The following ICE2 variants were observed in gnomAD, a reference collection of about 807,000 sequenced individuals.
ICE2 encodes little elongation complex subunit 2.
A neutral mutation model predicts 105.4 loss-of-function variants in ICE2; 87 were observed. The ratio of observed to expected loss-of-function variants is 0.83; its 90% CI spans 0.69 to 0.99. The LOEUF (loss-of-function observed/expected upper bound fraction) is 0.99. ICE2 is among the 50% of genes least tolerant of loss of function. The pLI, the probability that ICE2 is intolerant of heterozygous loss-of-function variation, is 0.00. For missense variants in ICE2, 1,323 were observed against 1,146.7 expected (o/e 1.15, Z -2.22); for synonymous variants, 399 against 392.0 (o/e 1.02, Z -0.21).
rs988919418 is a variant in ICE2, at chr15:60,432,507, G to T, written c.2511-523C>A. 5.3e-5 allele frequency among the ~76,000 whole-genome samples: 8 copies of T among 151,522 alleles called. No homozygotes were observed. In the South Asian group the frequency reaches 8.4e-4, roughly 16 times the overall value. ...GTCGGGCCAATTTTTGCCATTTCATGATTTCCTTTCATTATCATAATGTAT... is the reference window on the plus strand; with the variant it reads ...GTCGGGCCAATTTTTGCCATTTCATTATTTCCTTTCATTATCATAATGTAT... On this transcript the variant is annotated intron_variant, in intron 13 of 15. Coordinates refer to ENST00000261520, the MANE Select transcript of ICE2 (RefSeq NM_024611.6).
rs201631516 is a variant in ICE2, at chr15:60,423,741, T to G, written c.2842A>C (p.Thr948Pro). 6.3e-7 allele frequency: 1 copy of G among 1,596,886 alleles called. No individual in the cohort carries two copies. The highest frequency in any genetic ancestry group is 2.2e-5 in the East Asian group (1 of 44,652). The change falls in exon 16 of 16, where the codon ACA becomes CCA. Residue 948 changes from threonine to proline, a missense_variant. Physicochemically the swap from Thr to Pro is conservative, Grantham distance 38. Coordinates refer to ENST00000261520, the MANE Select transcript of ICE2 (RefSeq NM_024611.6). ...QQKIGGTRMP[T>P]RSHRNPVSME... ...GAAACTGGATTCCTGTGGCTGCGTG[T>G]AGGCATTCTCGTTCCACCAATCTAA...
At chr15:60,453,405 A>G (rs1393214257) in intron 9 of ICE2, 198 bp downstream of exon 9, 1 of 1,367,506 alleles carries the variant, frequency 7.3e-7, no homozygotes, top group African/African-American at 1.5e-5. Flanking sequence ...ACTTCCTTTC[A>G]TGTATGAAAG....
At chr15:60,457,632 CTT>C (rs1258352759) in intron 5 of ICE2, among the ~76,000 whole-genome samples, 14 of 152,158 alleles carry the variant, frequency 9.2e-5, no homozygotes. Flanking sequence ...AAATCAGTAA[CTT>C]TACTCCAGTA....
rs2064861448 is a variant in ICE2 at position 60,479,089 on chromosome 15, A to C, written c.-179T>G. 1 of 448,592 alleles carries C rather than the reference A, an allele frequency of 2.2e-6. No homozygotes were observed. Among genetic ancestry groups the C allele is most frequent in the Admixed American group, 2.4e-5 (1 of 42,228 alleles). 27.8% of individuals were successfully genotyped at this position (448,592 alleles called of 1,614,324 possible). On this transcript the variant is annotated 5_prime_UTR_variant, in exon 1 of 16. Coordinates refer to ENST00000261520, the MANE Select transcript of ICE2 (RefSeq NM_024611.6). ...CTCCTCACATTGTCGCGCGCGCCCA[A>C]AAAAGACCATATTTAAAGGATGTGG...
At chr15:60,460,941 C>T (rs1368366370) in intron 5 of ICE2, among the ~76,000 whole-genome samples, 1 of 152,160 alleles carries the variant, frequency 6.6e-6, no homozygotes, top group African/African-American at 2.4e-5. Flanking sequence ...AATGCAAGCA[C>T]CCCTGACACT....
At chr15:60,458,763 ATAT>A (rs1458657032) in intron 5 of ICE2, among the ~76,000 whole-genome samples, 3 of 152,114 alleles carry the variant, frequency 2.0e-5, no homozygotes, top group Admixed American at 2.0e-4. Context: ...ACACAACGGG[ATAT>A]TAATCAGCCT....
intron 12 of ICE2, chr15:60,438,598 GA>G (rs1377302124): frequency 6.6e-6 from 1 of 152,142 alleles, no homozygotes; most frequent in Non-Finnish European, 1.5e-5. Context: ...TCTTTGAGAA[GA>G]CTAATAGTTC....
chr15:60,455,304 C>T (rs1485427082), intron 7 of ICE2, 22 bp downstream of exon 7: 1 of 1,568,688 alleles, frequency 6.4e-7, no homozygotes. Context: ...TTAGGAAGAT[C>T]CAATGTTGCC....
intron 11 of ICE2, among the ~76,000 whole-genome samples, chr15:60,444,886 C>A (rs1246556794): frequency 6.6e-6 from 1 of 152,004 alleles, no homozygotes; most frequent in Non-Finnish European, 1.5e-5. Context: ...GGTTTCACCA[C>A]GTGGGCCAGG....
At chr15:60,449,920 A>G (rs2063921508) in intron 9 of ICE2, 79 bp from the exon 10 acceptor site, 5 of 981,600 alleles carry the variant, frequency 5.1e-6, no homozygotes, top group Non-Finnish European at 7.6e-6. Context: ...TATCCCTGTC[A>G]TACATACTTC....
intron 13 of ICE2, among the ~76,000 whole-genome samples, chr15:60,433,836 C>T (rs545579266): frequency 6.6e-6 from 1 of 151,782 alleles, no homozygotes; most frequent in African/African-American, 2.4e-5. Context: ...ATGAGAAAAG[C>T]GAGGCAGGTG....
chr15:60,466,566 T>C, intron 5 of ICE2, 28 bp downstream of exon 5: 1 of 1,606,918 alleles, frequency 6.2e-7, no homozygotes, highest in South Asian at 1.1e-5. Flanking sequence ...CACTTCGCAA[T>C]TTACACAAAT....
At position 60,453,786 on chromosome 15, in the gene ICE2, T is replaced by C; in HGVS notation, c.944-2A>G. The stretch of plus-strand genomic sequence containing the variant: ...ATATTACTTTAACTGGTTTTGAACC[T>C]TAAAACAGAAACCAAAGAAAAGAGG... On this transcript the variant is annotated splice_acceptor_variant, in intron 8 of 15. Coordinates refer to ENST00000261520, the MANE Select transcript of ICE2 (RefSeq NM_024611.6). LOFTEE classifies it high-confidence loss of function. The C allele has an allele frequency of 6.4e-7, 1 of 1,560,406 alleles. No homozygotes were observed.
chr15:60,433,785 C>G (rs1386891785), intron 13 of ICE2, among the ~76,000 whole-genome samples: 2 of 137,526 alleles, frequency 1.5e-5, no homozygotes, highest in African/African-American at 5.4e-5. Context: ...GCCACTGAGC[C>G]TGACCTCCTC....
chr15:60,468,784 T>C (rs577503940), intron 3 of ICE2, among the ~76,000 whole-genome samples: 2 of 152,372 alleles, frequency 1.3e-5, no homozygotes, highest in African/African-American at 4.8e-5. Flanking sequence ...ACTGAGATTC[T>C]AAATGTTCTG....
In ICE2 at chr15:60,419,834, G is replaced by A. The variant is rs1566961125; in HGVS notation, c.*3800C>T. On this transcript the variant is annotated 3_prime_UTR_variant, in exon 16 of 16. Transcript: ENST00000261520. ...TGCAGTATGCTAATGAAAAGTTAAA[G>A]TTTTCTTTCCTCTCCCTCCCCTAAA... The A allele has an allele frequency of 6.6e-6, 1 of 152,166 alleles. No individual in the cohort carries two copies. Among genetic ancestry groups the A allele is most frequent in the Non-Finnish European group, 1.5e-5 (1 of 68,034 alleles). The allele number at this position is 152,166 out of a possible 1,614,324, so 9.4% of individuals were successfully genotyped here.
intron 4 of ICE2, among the ~76,000 whole-genome samples, chr15:60,467,104 G>A (rs2064452667): frequency 6.6e-6 from 1 of 152,052 alleles, no homozygotes; most frequent in Admixed American, 6.5e-5. Context: ...TGGCTATATA[G>A]GTGCCTGCCA....
Position 60,453,602 on chromosome 15 carries a change from C to G in ICE2, c.1125+1G>C. ...TAGGGGAAAAAAAAAGCATTACATA[C>G]GTCCATTTCAGATATAAACTCTTCA... On this transcript the variant is annotated splice_donor_variant, in intron 9 of 15. Transcript: ENST00000261520. LOFTEE classifies it high-confidence loss of function. The G allele has an allele frequency of 6.2e-7, 1 of 1,612,460 alleles. No individual in the cohort carries two copies. Among genetic ancestry groups the G allele is most frequent in the Non-Finnish European group, 8.5e-7 (1 of 1,179,154 alleles).
intron 3 of ICE2, among the ~76,000 whole-genome samples, chr15:60,473,361 C>G (rs1482227495): frequency 6.6e-6 from 1 of 151,986 alleles, no homozygotes; most frequent in Non-Finnish European, 1.5e-5. Flanking sequence ...GCGTCATCCT[C>G]GCTCACTGCA....
Sources: gnomAD v4.1 joint callset for allele counts (sites outside exome capture counted in the v4.1 genomes callset) on GRCh38, gnomAD v4.1.1 for gene constraint, MANE v1.5 for transcripts, NCBI Gene and HGNC (gene_info 2026-07-23, HGNC 2026-07-21) for gene names.